FBF1: variants seen among roughly 807,000 people sequenced by gnomAD.
The protein encoded by FBF1 is Fas binding factor 1, also known as fas-binding factor 1.
FBF1 carries 119 observed loss-of-function variants against 147.2 expected under a neutral mutation model. That is an observed-to-expected ratio of 0.81 (90% CI 0.70 to 0.94). The LOEUF (loss-of-function observed/expected upper bound fraction) is 0.94. FBF1 is among the 40% of genes least tolerant of loss of function. The pLI is 0.00. For missense variants in FBF1, 1,449 were observed against 1,500.8 expected (o/e 0.97, Z 0.57); for synonymous variants, 601 against 609.0 (o/e 0.99, Z 0.19).
Position 75,915,045 on chromosome 17 carries a change from A to G in FBF1, c.2600T>C (p.Met867Thr). Residue 867 changes from methionine to threonine, a missense_variant, in exon 24 of 30, where the codon ATG becomes ACG. Transcript: ENST00000636174. ...GGCCCGTTCCAGCTCCGCCCTTTCC[A>G]TGGCCATCTGCTGGGCCGTGACCTT... ...QRKVTAQQMAMERAELERAKS... is the reference protein window; with the variant it reads ...QRKVTAQQMATERAELERAKS... 1.9e-6 allele frequency: 3 copies of G among 1,613,488 alleles called. No individual in the cohort carries two copies. Among genetic ancestry groups the G allele is most frequent in the Non-Finnish European group, 2.5e-6 (3 of 1,179,852 alleles).
At position 75,915,142 on chromosome 17, in the gene FBF1, G is replaced by A. The variant is rs1297973814; in HGVS notation, c.2506-3C>T. On this transcript the variant is annotated splice_polypyrimidine_tract_variant and splice_region_variant and intron_variant, in intron 23 of 29. Coordinates refer to ENST00000636174, the MANE Select transcript of FBF1 (RefSeq NM_001319193.2). ...TCGGCAGTCACCCGCCAGCGTTCCT[G>A]TAGGGCCCAGGGCAGGACTGAGAGC... 1 of 1,608,006 alleles carries A rather than the reference G, an allele frequency of 6.2e-7. No homozygotes were observed. The highest frequency in any genetic ancestry group is 1.3e-5 in the African/African-American group (1 of 74,914).
chr17:75,911,153 G>T (rs1193018622), intron 29 of FBF1, among the ~76,000 whole-genome samples: 1 of 152,152 alleles, frequency 6.6e-6, no homozygotes, highest in Non-Finnish European at 1.5e-5. Flanking sequence ...AGGCACAGTG[G>T]CTCATGCCTG....
At chr17:75,932,378 A>T (rs1221790049) in intron 5 of FBF1, among the ~76,000 whole-genome samples, 1 of 152,084 alleles carries the variant, frequency 6.6e-6, no homozygotes, top group African/African-American at 2.4e-5. Flanking sequence ...CCATCTCAAA[A>T]AAAGAGAGAA....
chr17:75,913,482 T>C (rs2065467601), intron 28 of FBF1: 2 of 436,682 alleles, frequency 4.6e-6, no homozygotes, highest in Admixed American at 4.0e-5. Flanking sequence ...TTTTTTTTCC[T>C]GAGTCCAGAG....
chr17:75,938,788 C>T (rs1052545664), intron 1 of FBF1, among the ~76,000 whole-genome samples: 3 of 151,570 alleles, frequency 2.0e-5, no homozygotes, highest in African/African-American at 7.3e-5. Flanking sequence ...ATCGCTTGAA[C>T]CCGCTAGACG....
chr17:75,927,194 C>T (rs1218227346), intron 9 of FBF1, among the ~76,000 whole-genome samples: 2 of 152,368 alleles, frequency 1.3e-5, no homozygotes, highest in East Asian at 3.9e-4. Flanking sequence ...AAAATATCCA[C>T]ACATTCATGA....
Position 75,914,895 on chromosome 17 carries a change from T to G in FBF1, c.2666A>C (p.Lys889Thr), listed in dbSNP as rs758408470. 2.5e-5 allele frequency: 40 copies of G among 1,608,590 alleles called. No individual in the cohort carries two copies. The Admixed American group carries it at 6.5e-4, about 26-fold the overall frequency. Residue 889 changes from lysine to threonine, a missense_variant, in exon 25 of 30, where the codon AAG becomes ACG. Coordinates refer to ENST00000636174, the MANE Select transcript of FBF1 (RefSeq NM_001319193.2). ...CAGGCGCCGCCGCTCCTCCCCGCAC[T>G]TGAGCATGACAGACTTCTGCTCCTC... ...LLEEQKSVML[K>T]CGEERRRLAA...
At position 75,914,197 on chromosome 17, in the gene FBF1, C is replaced by A. The variant is rs1342967430; in HGVS notation, c.2916G>T (p.Arg972=). The A allele has an allele frequency of 1.3e-6, 2 of 1,594,916 alleles. No homozygotes were observed. Among genetic ancestry groups the A allele is most frequent in the South Asian group, 1.1e-5 (1 of 87,960 alleles). The change falls in exon 26 of 30, where the codon CGG becomes CGT. Residue 972 remains arginine (R), a synonymous_variant. Transcript: ENST00000636174. Reference sequence around the variant, plus strand: ...TGGCGTTGATCCTCTCCTTCTCCAGCCGCAGCTCCTGCCGCTCCTGCTCCA... The same window carrying A: ...TGGCGTTGATCCTCTCCTTCTCCAGACGCAGCTCCTGCCGCTCCTGCTCCA... ...AALEQERQEL[R]LEKERINATA... is the part of the protein sequence containing the mutation.
chr17:75,929,248 A>C (rs2065580207), intron 7 of FBF1, among the ~76,000 whole-genome samples: 1 of 152,048 alleles, frequency 6.6e-6, no homozygotes, highest in South Asian at 2.1e-4. Context: ...AGGTAAGAGA[A>C]TCGCTTAAGG....
chr17:75,936,552 G>C (rs1432493180), intron 3 of FBF1, among the ~76,000 whole-genome samples: 1 of 152,000 alleles, frequency 6.6e-6, no homozygotes, highest in Non-Finnish European at 1.5e-5. Flanking sequence ...ACACATGCCT[G>C]TAATCCCAAT....
intron 6 of FBF1, among the ~76,000 whole-genome samples, chr17:75,930,795 G>A (rs2065589747): frequency 6.6e-6 from 1 of 152,076 alleles, no homozygotes; most frequent in Admixed American, 6.6e-5. Context: ...GGTGGTGGGT[G>A]CCTGTAATCC....
At position 75,927,469 on chromosome 17, in the gene FBF1, C is replaced by G. The variant is rs2065569414; in HGVS notation, c.461G>C (p.Arg154Thr). 1 of 1,596,856 alleles carries G rather than the reference C, an allele frequency of 6.3e-7. No homozygotes were observed. Residue 154 changes from arginine to threonine, a missense_variant, in exon 9 of 30, where the codon AGG becomes ACG. Transcript: ENST00000636174. ...SPSSSGHQNR[R>T]FSSEDLEDPL... The stretch of plus-strand genomic sequence containing the variant: ...GCCTATGGTACCTTCAGAGGAAAAC[C>G]TCCTGTTCTGATGCCCAGAGCTGCT...
chr17:75,934,961 A>C (rs1326746488), intron 4 of FBF1, among the ~76,000 whole-genome samples: 1 of 151,950 alleles, frequency 6.6e-6, no homozygotes, highest in East Asian at 1.9e-4. Flanking sequence ...CCATAGAGAC[A>C]GAGAGTAAAT....
rs1282613515 is a variant in FBF1 at position 75,918,862 on chromosome 17, T to C, written c.2139-593A>G. ...CTCACTATGTTGCCCAGGCTGGTCTTGAACTCCTAGCCTCAAGCAATCCTC... is the reference window on the plus strand; with the variant it reads ...CTCACTATGTTGCCCAGGCTGGTCTCGAACTCCTAGCCTCAAGCAATCCTC... On this transcript the variant is annotated intron_variant, in intron 20 of 29. Transcript: ENST00000636174. The surrounding 1 kb of genome is among the most constrained non-coding windows in gnomAD (Gnocchi z 5.8). 1.1e-4 allele frequency among the ~76,000 whole-genome samples: 17 copies of C among 150,714 alleles called. No homozygotes were observed. Among genetic ancestry groups the C allele is most frequent in the Non-Finnish European group, 1.9e-4 (13 of 67,646 alleles).
In FBF1 at chr17:75,910,059, C is replaced by T; in HGVS notation, c.*664G>A. The T allele has an allele frequency of 1.6e-6, 1 of 631,472 alleles. No homozygotes were observed. The highest frequency in any genetic ancestry group is 2.9e-6 in the Non-Finnish European group (1 of 340,404). The allele number at this position is 631,472 out of a possible 1,614,324, so 39.1% of individuals were successfully genotyped here. On this transcript the variant is annotated 3_prime_UTR_variant, in exon 30 of 30. Coordinates refer to ENST00000636174, the MANE Select transcript of FBF1 (RefSeq NM_001319193.2). This position sits in a 1 kb window ranked among gnomAD's most constrained non-coding sequence, Gnocchi z 4.1. ...ACAGCTCCCTCCGCCGCCGGTGGGGCACCCAGATGGGGAGGAAGCTGAGGA... is the reference window on the plus strand; with the variant it reads ...ACAGCTCCCTCCGCCGCCGGTGGGGTACCCAGATGGGGAGGAAGCTGAGGA...
rs1345070001 is a variant in FBF1, at chr17:75,925,937, G to A, written c.868+93C>T. On this transcript the variant is annotated intron_variant, in intron 12 of 29. Transcript: ENST00000636174. The surrounding 1 kb of genome is among the most constrained non-coding windows in gnomAD (Gnocchi z 5.0). ...GTGTATAATCACATGTGTGTATCAG[G>A]ATGTGAGGCTGATTTCTCATTATAG... 1.4e-6 allele frequency: 2 copies of A among 1,442,322 alleles called. No homozygotes were observed. Among genetic ancestry groups the A allele is most frequent in the East Asian group, 2.4e-5 (1 of 41,388 alleles). 89.3% of individuals were successfully genotyped at this position (1,442,322 alleles called of 1,614,324 possible).
rs1022375499 is a variant in FBF1 at position 75,932,980 on chromosome 17, G to A, written c.167+15C>T. ...TGAAGTAGGTCATGGATACCCAGTC[G>A]GACCCTGCCCTTACTTTGTTCTCGC... On this transcript the variant is annotated intron_variant, in intron 5 of 29. Coordinates refer to ENST00000636174, the MANE Select transcript of FBF1 (RefSeq NM_001319193.2). The A allele has an allele frequency of 5.7e-6, 9 of 1,574,670 alleles. No homozygotes were observed. Among genetic ancestry groups the A allele is most frequent in the Middle Eastern group, 1.7e-4 (1 of 5,886 alleles).
intron 28 of FBF1, chr17:75,913,399 C>T (rs914120442): frequency 1.4e-4 from 35 of 251,656 alleles, no homozygotes; most frequent in African/African-American, 5.6e-4. Context: ...CCGCCTGCCT[C>T]GGCTGCCGAA....
intron 7 of FBF1, among the ~76,000 whole-genome samples, chr17:75,929,486 GGAA>G (rs1344325982): frequency 6.6e-6 from 1 of 152,184 alleles, no homozygotes; most frequent in Non-Finnish European, 1.5e-5. Flanking sequence ...GCTGCTGGCT[GGAA>G]GGAGAGGGAG....
Sources: gnomAD v4.1 joint callset for allele counts (sites outside exome capture counted in the v4.1 genomes callset) on GRCh38, gnomAD v4.1.1 for gene constraint, Gnocchi (gnomAD v3.1) non-coding constraint, MANE v1.5 for transcripts, NCBI Gene and HGNC (gene_info 2026-07-23, HGNC 2026-07-21) for gene names.